CYP2C19: variants seen among roughly 807,000 people sequenced by gnomAD.
CYP2C19 encodes the protein cytochrome P450 2C19.
CYP2C19 carries 59 observed loss-of-function variants against 40.9 expected under a neutral mutation model. That is an observed-to-expected ratio of 1.44 (90% CI 1.17 to 1.79). The LOEUF (loss-of-function observed/expected upper bound fraction) is 1.79. Among genes scored for constraint, CYP2C19 ranks in the 40% most tolerant of loss-of-function variants. The probability of loss-of-function intolerance (pLI) is 0.00; values close to 1 mark genes in which losing one functional copy is unlikely to be tolerated. For synonymous variants in CYP2C19, 253 were observed against 208.7 expected (o/e 1.21, Z -1.83); for missense variants, 754 against 596.9 (o/e 1.26, Z -2.74).
chr10:94,780,394 T>G, intron 3 of CYP2C19, 105 bp from the exon 4 acceptor site: 1 of 1,432,320 alleles, frequency 7.0e-7, no homozygotes, highest in Non-Finnish European at 9.4e-7. Flanking sequence ...AATTCATAGG[T>G]AAGATATTAC....
chr10:94,767,359 C>G (rs1230421214), intron 1 of CYP2C19, among the ~76,000 whole-genome samples: 1 of 152,170 alleles, frequency 6.6e-6, no homozygotes, highest in Non-Finnish European at 1.5e-5. Context: ...ACCATTGTCA[C>G]TCTGTAAGCT....
At chr10:94,788,117 C>T (rs1230819436) in intron 5 of CYP2C19, among the ~76,000 whole-genome samples, 1 of 150,118 alleles carries the variant, frequency 6.7e-6, no homozygotes, top group Non-Finnish European at 1.5e-5. Flanking sequence ...TTCCATTCCA[C>T]CCCCACCCCC....
chr10:94,811,503 T>A (rs1045148472), intron 5 of CYP2C19, among the ~76,000 whole-genome samples: 7 of 152,142 alleles, frequency 4.6e-5, no homozygotes, highest in African/African-American at 1.7e-4. Flanking sequence ...CATCTATTAT[T>A]GTGTGGGAGC....
At position 94,855,475 on chromosome 10, in the gene CYP2C19, T is replaced by G. The variant is rs1849717553; in HGVS notation, c.*2561T>G. Among the ~76,000 whole-genome samples the G allele has an allele frequency of 6.6e-6, 1 of 152,228 alleles. No homozygotes were observed. Among genetic ancestry groups the G allele is most frequent in the Non-Finnish European group, 1.5e-5 (1 of 68,048 alleles). On this transcript the variant is annotated 3_prime_UTR_variant, in exon 9 of 9. Transcript: ENST00000371321. The stretch of plus-strand genomic sequence containing the variant: ...TATTTCATATGAGAAGAGAACTTTA[T>G]TTGGCTCACTAATGAATACCAGCCA...
intron 6 of CYP2C19, among the ~76,000 whole-genome samples, chr10:94,841,435 G>A (rs1849493748): frequency 6.6e-6 from 1 of 152,190 alleles, no homozygotes; most frequent in Admixed American, 6.5e-5. Flanking sequence ...CTCAGCTCCA[G>A]CCATAACAGA....
chr10:94,797,611 C>T (rs1369991096), intron 5 of CYP2C19, among the ~76,000 whole-genome samples: 3 of 152,024 alleles, frequency 2.0e-5, no homozygotes, highest in African/African-American at 7.2e-5. Flanking sequence ...GTGAATCCTT[C>T]TGGTCCTGAA....
intron 5 of CYP2C19, among the ~76,000 whole-genome samples, chr10:94,815,356 A>G (rs1848985647): frequency 6.6e-6 from 1 of 152,324 alleles, no homozygotes; most frequent in Middle Eastern, 3.4e-3. Flanking sequence ...CTAAAAGCAT[A>G]ATTAATTTAT....
At chr10:94,764,702 T>A (rs568165073) in intron 1 of CYP2C19, among the ~76,000 whole-genome samples, 1 of 151,538 alleles carries the variant, frequency 6.6e-6, no homozygotes, top group South Asian at 2.1e-4. Flanking sequence ...TTGGAAGGAG[T>A]TGTTAGTTGA....
intron 6 of CYP2C19, among the ~76,000 whole-genome samples, chr10:94,836,478 C>A (rs1484691922): frequency 6.6e-6 from 1 of 152,154 alleles, no homozygotes; most frequent in Non-Finnish European, 1.5e-5. Flanking sequence ...TTCTTTAGGG[C>A]CTGGAAAGCC....
At chr10:94,828,124 A>G (rs1463257912) in intron 6 of CYP2C19, among the ~76,000 whole-genome samples, 3 of 152,124 alleles carry the variant, frequency 2.0e-5, no homozygotes, top group Non-Finnish European at 4.4e-5. Context: ...GTGGTGCTGA[A>G]AAAATGTATA....
At chr10:94,820,474 A>G in intron 5 of CYP2C19, 22 bp from the exon 6 acceptor site, 1 of 1,613,304 alleles carries the variant, frequency 6.2e-7, no homozygotes. Flanking sequence ...TTTGTCAGAT[A>G]ATTGCATCAA....
At chr10:94,850,460 G>GATA (rs1258680211) in intron 8 of CYP2C19, among the ~76,000 whole-genome samples, 1 of 152,110 alleles carries the variant, frequency 6.6e-6, no homozygotes, top group Non-Finnish European at 1.5e-5. Flanking sequence ...GGGCTTGTAG[G>GATA]ATAAAATTAT....
chr10:94,828,401 C>T (rs941911513), intron 6 of CYP2C19, among the ~76,000 whole-genome samples: 6 of 150,380 alleles, frequency 4.0e-5, no homozygotes, highest in Admixed American at 4.0e-4. Context: ...TGAATTGATC[C>T]CTTTACCATT....
chr10:94,811,955 T>A (rs1332912231), intron 5 of CYP2C19, among the ~76,000 whole-genome samples: 5 of 152,020 alleles, frequency 3.3e-5, no homozygotes, highest in African/African-American at 1.2e-4. Context: ...TTGATGCAGT[T>A]TTTTTATAGT....
At chr10:94,816,115 T>C (rs1848997827) in intron 5 of CYP2C19, among the ~76,000 whole-genome samples, 1 of 152,124 alleles carries the variant, frequency 6.6e-6, no homozygotes, top group Admixed American at 6.5e-5. Context: ...AAAAATATGC[T>C]GTGTGAGTCA....
intron 5 of CYP2C19, among the ~76,000 whole-genome samples, chr10:94,811,614 T>A (rs1446767502): frequency 1.3e-5 from 2 of 152,154 alleles, no homozygotes; most frequent in Non-Finnish European, 2.9e-5. Context: ...CTCGTTGCAT[T>A]GATCCCCTTA....
At chr10:94,826,454 C>T (rs1849223954) in intron 6 of CYP2C19, among the ~76,000 whole-genome samples, 1 of 152,116 alleles carries the variant, frequency 6.6e-6, no homozygotes. Context: ...ATTTGGCACT[C>T]TGTTTGTCTA....
Position 94,841,089 on chromosome 10 carries a change from G to A in CYP2C19, c.962-1748G>A, listed in dbSNP as rs148272913. Among the ~76,000 whole-genome samples, 475 of 152,236 alleles carry A rather than the reference G, an allele frequency of 3.1e-3. 3 individuals are homozygous for A. The highest frequency in any genetic ancestry group is 0.011 in the African/African-American group (448 of 41,548). The stretch of plus-strand genomic sequence containing the variant: ...GATGGTGGTGGGCCACTTCCAAGAT[G>A]GTGGCAAGCTTCGTGTTCTCTGACC... On this transcript the variant is annotated intron_variant, in intron 6 of 8. Transcript: ENST00000371321.
intron 6 of CYP2C19, among the ~76,000 whole-genome samples, chr10:94,837,238 T>C (rs1208715695): frequency 1.3e-5 from 2 of 152,158 alleles, no homozygotes; most frequent in Non-Finnish European, 1.5e-5. Flanking sequence ...GCAGGGGCTA[T>C]TGCATGGTTT....
Sources: gnomAD v4.1 joint callset for allele counts (sites outside exome capture counted in the v4.1 genomes callset) on GRCh38, gnomAD v4.1.1 for gene constraint, MANE v1.5 for transcripts, NCBI Gene and HGNC (gene_info 2026-07-23, HGNC 2026-07-21) for gene names.